The following RAP1GAP2 variants were observed in gnomAD, a reference collection of about 807,000 sequenced individuals.
RAP1GAP2 encodes the protein RAP1 GTPase activating protein 2, also known as rap1 GTPase-activating protein 2.
Under a neutral mutation model 95.0 loss-of-function variants are expected in RAP1GAP2, and 27 were observed. The ratio of observed to expected loss-of-function variants is 0.28; its 90% confidence interval spans 0.21 to 0.39. The LOEUF (loss-of-function observed/expected upper bound fraction) is 0.39, where lower values mean the gene tolerates loss of function less well. Among genes scored for constraint, RAP1GAP2 ranks in the 10% least tolerant of loss-of-function variants. The pLI is 1.00. For synonymous variants in RAP1GAP2, 373 were observed against 380.9 expected, an observed-to-expected ratio of 0.98 and a Z score of 0.24; for missense variants, 771 against 970.0, an observed-to-expected ratio of 0.79 and a Z score of 2.72.
chr17:2,874,431 C>CG (rs2072996201), intron 2 of RAP1GAP2, among the ~76,000 whole-genome samples: 1 of 152,230 alleles, frequency 6.6e-6, no homozygotes. Context: ...CCTGAGGCCC[C>CG]GGGCTGACGG....
chr17:2,809,336 C>T (rs1335155888), intron 2 of RAP1GAP2, among the ~76,000 whole-genome samples: 4 of 152,242 alleles, frequency 2.6e-5, no homozygotes, highest in Admixed American at 1.3e-4. Flanking sequence ...TGCCTATTCA[C>T]GGAGCCCGTG....
intron 2 of RAP1GAP2, among the ~76,000 whole-genome samples, chr17:2,859,475 A>C (rs1180885189): frequency 6.6e-6 from 1 of 152,064 alleles, no homozygotes; most frequent in Non-Finnish European, 1.5e-5. Context: ...TCACTCTGCC[A>C]CCCAGGGTGG....
intron 11 of RAP1GAP2, among the ~76,000 whole-genome samples, chr17:2,987,353 T>TA (rs1259707830): frequency 6.6e-6 from 1 of 152,238 alleles, no homozygotes; most frequent in Non-Finnish European, 1.5e-5. Context: ...TACATACATT[T>TA]ATTTTTTATT....
Position 2,963,313 on chromosome 17 carries a change from A to T in RAP1GAP2, c.247-117A>T. 1 of 1,146,046 alleles carries T rather than the reference A, an allele frequency of 8.7e-7. No individual in the cohort carries two copies. 71.0% of individuals were successfully genotyped at this position (1,146,046 alleles called of 1,614,324 possible). On this transcript the variant is annotated intron_variant, in intron 5 of 24. Transcript: ENST00000254695. This position sits in a 1 kb window ranked among gnomAD's most constrained non-coding sequence, Gnocchi z 4.8. Reference sequence around the variant, plus strand: ...TGATTCTGAGCTGTTCTTCCATCGAATGTTCCTCCCTCAAAGCCCCCCCAC... The same window carrying T: ...TGATTCTGAGCTGTTCTTCCATCGATTGTTCCTCCCTCAAAGCCCCCCCAC...
At chr17:3,021,088 G>T (rs2046942661) in intron 19 of RAP1GAP2, among the ~76,000 whole-genome samples, 1 of 152,000 alleles carries the variant, frequency 6.6e-6, no homozygotes, top group South Asian at 2.1e-4. Context: ...ATATTTTTGG[G>T]GTACGTGTGA....
At chr17:2,771,486 G>GTTTTTTTTTTTTGTTT (rs2068394063) in intron 2 of RAP1GAP2, among the ~76,000 whole-genome samples, 2 of 123,476 alleles carry the variant, frequency 1.6e-5, no homozygotes, top group Non-Finnish European at 3.3e-5. Context: ...CCACTTTTTT[G>GTTTTTTTTTTTTGTTT]TTTTTTTTTT....
intron 3 of RAP1GAP2, among the ~76,000 whole-genome samples, chr17:2,928,700 C>A (rs1220461000): frequency 1.3e-5 from 2 of 152,102 alleles, no homozygotes; most frequent in Admixed American, 6.6e-5. Flanking sequence ...CCAGCAGCGC[C>A]TTCCAGCCCA....
chr17:2,921,317 C>T (rs543106238), intron 3 of RAP1GAP2, among the ~76,000 whole-genome samples: 52 of 152,206 alleles, frequency 3.4e-4, no homozygotes, highest in African/African-American at 1.1e-3. Context: ...TCTCCTGCCT[C>T]AGCCTCCCAA....
rs151178292 is a variant in RAP1GAP2 at position 2,939,529 on chromosome 17, G to T, written c.166-18230G>T. ...AGAGAGGGCTTCCCAGTTCAGAGAA[G>T]GGAAAATTGAGGCCCCCACCAAGGG... On this transcript the variant is annotated intron_variant, in intron 3 of 24. Transcript: ENST00000254695. Among the ~76,000 whole-genome samples, 218 of 152,354 alleles carry T rather than the reference G, an allele frequency of 1.4e-3. 1 individual carries two copies. The highest frequency in any genetic ancestry group is 4.5e-3 in the Admixed American group (69 of 15,302).
intron 3 of RAP1GAP2, among the ~76,000 whole-genome samples, chr17:2,924,730 G>T (rs982877173): frequency 1.3e-5 from 2 of 152,138 alleles, no homozygotes; most frequent in Non-Finnish European, 2.9e-5. Flanking sequence ...CCAACGTGAT[G>T]TTAAAAAAGT....
intron 3 of RAP1GAP2, among the ~76,000 whole-genome samples, chr17:2,911,595 C>T (rs1220084187): frequency 2.0e-5 from 3 of 150,650 alleles, no homozygotes; most frequent in Admixed American, 1.3e-4. Flanking sequence ...CTGACTGAGC[C>T]GGAGAAACCA....
rs1374553866 is a variant in RAP1GAP2 at position 2,902,826 on chromosome 17, T to C, written c.81-2458T>C. 6.6e-6 allele frequency among the ~76,000 whole-genome samples: 1 copy of C among 152,052 alleles called. No individual in the cohort carries two copies. Among genetic ancestry groups the C allele is most frequent in the African/African-American group, 2.4e-5 (1 of 41,410 alleles). ...GGGGGAAAAGGCAGGGGAGAGGGGC[T>C]CAGCTCAGGGAGTGTTGGATGCTGC... On this transcript the variant is annotated intron_variant, in intron 2 of 24. Transcript: ENST00000254695. The surrounding 1 kb of genome is among the most constrained non-coding windows in gnomAD (Gnocchi z 4.1).
At chr17:2,986,620 T>G (rs1019621515) in intron 11 of RAP1GAP2, among the ~76,000 whole-genome samples, 4 of 152,042 alleles carry the variant, frequency 2.6e-5, no homozygotes. Context: ...TATGAACATT[T>G]GTTGCATCAA....
chr17:2,892,841 A>G (rs1360330302), intron 2 of RAP1GAP2, among the ~76,000 whole-genome samples: 1 of 152,136 alleles, frequency 6.6e-6, no homozygotes, highest in African/African-American at 2.4e-5. Context: ...CATCAGCACC[A>G]AGAGATGCCA....
At chr17:2,910,676 C>T (rs192265939) in intron 3 of RAP1GAP2, among the ~76,000 whole-genome samples, 2 of 152,278 alleles carry the variant, frequency 1.3e-5, no homozygotes, top group Admixed American at 1.3e-4. Context: ...ATGACTCTCC[C>T]AACGCAACGC....
At chr17:2,981,518 C>T (rs1567853140) in intron 10 of RAP1GAP2, among the ~76,000 whole-genome samples, 1 of 152,166 alleles carries the variant, frequency 6.6e-6, no homozygotes, top group African/African-American at 2.4e-5. Context: ...AGCTTCTCCA[C>T]CACACCTCAT....
chr17:3,020,713 T>C, intron 19 of RAP1GAP2, 118 bp downstream of exon 19: 1 of 884,334 alleles, frequency 1.1e-6, no homozygotes, highest in South Asian at 1.7e-5. Flanking sequence ...CTTTAGGAGA[T>C]GGCTCTGCCT....
intron 16 of RAP1GAP2, 47 bp downstream of exon 16, chr17:3,006,088 C>A: frequency 7.0e-7 from 1 of 1,420,590 alleles, no homozygotes; most frequent in Non-Finnish European, 9.9e-7. Context: ...GCTGGGCCAC[C>A]TGTTAGCCAG....
chr17:2,884,317 A>G (rs754450460), intron 2 of RAP1GAP2, among the ~76,000 whole-genome samples: 12 of 149,456 alleles, frequency 8.0e-5, no homozygotes, highest in Non-Finnish European at 1.8e-4. Context: ...TTCACTCTGT[A>G]TGTGAATGGG....
Sources: gnomAD v4.1 joint callset for allele counts (sites outside exome capture counted in the v4.1 genomes callset) on GRCh38, gnomAD v4.1.1 for gene constraint, Gnocchi (gnomAD v3.1) non-coding constraint, MANE v1.5 for transcripts, NCBI Gene and HGNC (gene_info 2026-07-23, HGNC 2026-07-21) for gene names.